APBA1: variants seen among roughly 807,000 people sequenced by gnomAD.
The protein encoded by APBA1 is amyloid-beta A4 precursor protein-binding family A member 1.
In APBA1, 55 loss-of-function variants were observed where a neutral mutation model predicts 86.6. That is an observed-to-expected ratio of 0.64 (90% CI 0.51 to 0.80). The LOEUF (loss-of-function observed/expected upper bound fraction) is 0.80, where lower values mean the gene tolerates loss of function less well. APBA1 is among the 30% of genes least tolerant of loss of function. The pLI, the probability that APBA1 is intolerant of heterozygous loss-of-function variation, is 0.00. For synonymous variants in APBA1, 511 were observed against 493.9 expected, an observed-to-expected ratio of 1.03 and a Z score of -0.46; for missense variants, 1,090 against 1,183.0, an observed-to-expected ratio of 0.92 and a Z score of 1.15.
intron 1 of APBA1, among the ~76,000 whole-genome samples, chr9:69,643,893 T>C (rs1823340537): frequency 6.6e-6 from 1 of 152,216 alleles, no homozygotes; most frequent in African/African-American, 2.4e-5. Flanking sequence ...TCTCAGCTTC[T>C]TGCTATTATC....
chr9:69,437,631 TGTC>T (rs1834752832), intron 11 of APBA1, among the ~76,000 whole-genome samples: 1 of 21,328 alleles, frequency 4.7e-5, no homozygotes, highest in African/African-American at 1.9e-4. Context: ...ATATCCCCTT[TGTC>T]ATTTTTTATT....
At chr9:69,658,839 ACCC>A (rs1255518253) in intron 1 of APBA1, among the ~76,000 whole-genome samples, 4 of 151,666 alleles carry the variant, frequency 2.6e-5, no homozygotes, top group African/African-American at 9.7e-5. Context: ...CACCCAACAG[ACCC>A]CCTCTCTTAA....
chr9:69,621,272 T>G lies in APBA1; in HGVS notation c.-70+50881A>C, dbSNP rs535454051. On this transcript the variant is annotated intron_variant, in intron 1 of 12. Transcript: ENST00000265381. ...TGCTAGCTCCACAGGTATCACTTCA[T>G]GTAAGATTACGTGAATTATATTAAA... Among the ~76,000 whole-genome samples the G allele has an allele frequency of 2.0e-5, 3 of 152,326 alleles. No homozygotes were observed. The South Asian group carries it at 6.2e-4, about 32-fold the overall frequency.
At chr9:69,456,983 C>T (rs1432110402) in intron 7 of APBA1, 70 bp downstream of exon 7, 2 of 1,316,000 alleles carry the variant, frequency 1.5e-6, no homozygotes, top group East Asian at 2.3e-5. Flanking sequence ...GCCTGCTCTA[C>T]AGACACATGC....
At chr9:69,573,356 G>A (rs1445867533) in intron 1 of APBA1, among the ~76,000 whole-genome samples, 3 of 152,034 alleles carry the variant, frequency 2.0e-5, no homozygotes, top group Non-Finnish European at 2.9e-5. Context: ...CAGGTACTTG[G>A]GAGACTGAGG....
chr9:69,482,636 G>T (rs1835533463), intron 2 of APBA1, among the ~76,000 whole-genome samples: 1 of 151,290 alleles, frequency 6.6e-6, no homozygotes, highest in African/African-American at 2.4e-5. Context: ...TATACCCAAA[G>T]GACTATAAAT....
chr9:69,580,062 G>T (rs1821884800), intron 1 of APBA1, among the ~76,000 whole-genome samples: 1 of 152,182 alleles, frequency 6.6e-6, no homozygotes, highest in Non-Finnish European at 1.5e-5. Flanking sequence ...AACAACAGAT[G>T]TTTACTGGGC....
chr9:69,505,700 G>C (rs776848021), intron 2 of APBA1, among the ~76,000 whole-genome samples: 2 of 152,088 alleles, frequency 1.3e-5, no homozygotes, highest in South Asian at 2.1e-4. Flanking sequence ...CCTATAGACA[G>C]ATCAGTAGGC....
intron 2 of APBA1, among the ~76,000 whole-genome samples, chr9:69,503,591 T>A (rs574475527): frequency 6.6e-6 from 1 of 152,152 alleles, no homozygotes; most frequent in Non-Finnish European, 1.5e-5. Context: ...TTATTGCATT[T>A]CTTGCCAATA....
At chr9:69,603,849 G>A (rs1228387781) in intron 1 of APBA1, among the ~76,000 whole-genome samples, 1 of 152,120 alleles carries the variant, frequency 6.6e-6, no homozygotes, top group African/African-American at 2.4e-5. Context: ...ATAGACGGAC[G>A]GTCACCCTAT....
intron 1 of APBA1, among the ~76,000 whole-genome samples, chr9:69,535,428 T>C (rs894717652): frequency 2.0e-5 from 3 of 152,226 alleles, no homozygotes; most frequent in African/African-American, 7.2e-5. Context: ...CCTTTCAATA[T>C]GTTTTTCTTA....
intron 12 of APBA1, among the ~76,000 whole-genome samples, chr9:69,432,041 T>C (rs1396036876): frequency 2.0e-5 from 3 of 151,828 alleles, no homozygotes; most frequent in African/African-American, 7.3e-5. Context: ...TGACTGACAG[T>C]AGTGATGACT....
intron 1 of APBA1, among the ~76,000 whole-genome samples, chr9:69,634,163 A>C (rs1823107596): frequency 6.6e-6 from 1 of 152,314 alleles, no homozygotes; most frequent in Admixed American, 6.5e-5. Context: ...TTGAATTGCC[A>C]ACACCACCCC....
chr9:69,648,008 T>C (rs1390651694), intron 1 of APBA1, among the ~76,000 whole-genome samples: 1 of 152,244 alleles, frequency 6.6e-6, no homozygotes, highest in Non-Finnish European at 1.5e-5. Flanking sequence ...GGTTGGGCCA[T>C]GCTGCAGCCG....
intron 1 of APBA1, among the ~76,000 whole-genome samples, chr9:69,663,251 G>A (rs933836218): frequency 6.6e-6 from 1 of 152,208 alleles, no homozygotes; most frequent in African/African-American, 2.4e-5. Flanking sequence ...TTTCAGTGAT[G>A]TATGTGTGTG....
rs372154345 is a variant in APBA1 at position 69,665,230 on chromosome 9, C to T, written c.-70+6923G>A. On this transcript the variant is annotated intron_variant, in intron 1 of 12. Transcript: ENST00000265381. ...TGCAGTCTATATAATGCCAGCAGAG[C>T]CAAGCCTCAGCTGCCCACCGTGGTA... 3.6e-4 allele frequency among the ~76,000 whole-genome samples: 55 copies of T among 152,234 alleles called. 1 individual carries two copies. The South Asian group carries it at 0.011, about 30-fold the overall frequency.
At position 69,516,577 on chromosome 9, in the gene APBA1, C is replaced by T. The variant is rs763263675; in HGVS notation, c.634G>A (p.Gly212Ser). ...GDAPELDARDGLRLYEQERDE... is the reference protein window; with the variant it reads ...GDAPELDARDSLRLYEQERDE... ...CGCTCCTGCTCGTAGAGCCGCAGGCCGTCGCGTGCGTCCAGCTCGGGCGCG... is the reference window on the plus strand; with the variant it reads ...CGCTCCTGCTCGTAGAGCCGCAGGCTGTCGCGTGCGTCCAGCTCGGGCGCG... Residue 212 changes from glycine (G) to serine (S), a missense_variant, in exon 2 of 13, where the codon GGC becomes AGC. Transcript: ENST00000265381. The surrounding 1 kb of genome is among the most constrained non-coding windows in gnomAD (Gnocchi z 7.3). The T allele has an allele frequency of 2.5e-6, 4 of 1,601,532 alleles. No homozygotes were observed. The East Asian group carries it at 6.7e-5, about 27-fold the overall frequency.
At chr9:69,487,178 G>A (rs1322199422) in intron 2 of APBA1, among the ~76,000 whole-genome samples, 1 of 152,064 alleles carries the variant, frequency 6.6e-6, no homozygotes, top group African/African-American at 2.4e-5. Context: ...GCAGGGCCAT[G>A]ATGTGGAGAG....
rs535562068 is a variant in APBA1 at position 69,432,989 on chromosome 9, G to A, written c.2302-313C>T. ...ATTTGGGTCTGTCGCAGAGTCGCCA[G>A]TGTTTCCAAACTGTCAGCCTGTGTG... On this transcript the variant is annotated intron_variant, in intron 11 of 12. Transcript: ENST00000265381. Among the ~76,000 whole-genome samples, 3 of 152,210 alleles carry A rather than the reference G, an allele frequency of 2.0e-5. No homozygotes were observed. The South Asian group carries it at 6.2e-4, about 32-fold the overall frequency.
Sources: gnomAD v4.1 joint callset for allele counts (sites outside exome capture counted in the v4.1 genomes callset) on GRCh38, gnomAD v4.1.1 for gene constraint, Gnocchi (gnomAD v3.1) non-coding constraint, MANE v1.5 for transcripts, NCBI Gene and HGNC (gene_info 2026-07-23, HGNC 2026-07-21) for gene names.